Variants in RNF217 observed in about 807,000 individuals in gnomAD.
The protein encoded by RNF217 is E3 ubiquitin-protein ligase RNF217.
RNF217 carries 31 observed loss-of-function variants against 57.8 expected under a neutral mutation model. The observed-to-expected ratio is 0.54, with a 90% CI of 0.40 to 0.72. RNF217 has a LOEUF of 0.72. RNF217 is among the 30% of genes least tolerant of loss of function. RNF217 has a pLI of 0.00. For synonymous variants in RNF217, 313 were observed against 294.0 expected, an observed-to-expected ratio of 1.06 and a Z score of -0.66; for missense variants, 696 against 708.3, an observed-to-expected ratio of 0.98 and a Z score of 0.20.
intron 1 of RNF217, among the ~76,000 whole-genome samples, chr6:124,999,276 G>T (rs1327350414): frequency 1.3e-5 from 2 of 152,078 alleles, no homozygotes; most frequent in Non-Finnish European, 2.9e-5. Flanking sequence ...TCTAACCGCA[G>T]GTGCACAAGG....
chr6:124,964,070 C>G (rs1006109318), intron 1 of RNF217, among the ~76,000 whole-genome samples: 1 of 152,228 alleles, frequency 6.6e-6, no homozygotes, highest in Admixed American at 6.5e-5. Flanking sequence ...TTTCTCAGAA[C>G]AAGCACTGGT....
At chr6:125,044,856 G>A (rs1377499935) in intron 1 of RNF217, among the ~76,000 whole-genome samples, 1 of 152,044 alleles carries the variant, frequency 6.6e-6, no homozygotes. Context: ...TGACCCCGCA[G>A]TTCTTGCAGT....
At chr6:125,001,008 T>A (rs1784959630) in intron 1 of RNF217, among the ~76,000 whole-genome samples, 1 of 152,178 alleles carries the variant, frequency 6.6e-6, no homozygotes, top group Non-Finnish European at 1.5e-5. Context: ...CCTTGGAATA[T>A]AGAGTCTGAA....
At chr6:125,017,128 G>C (rs1426964255) in intron 1 of RNF217, among the ~76,000 whole-genome samples, 1 of 151,888 alleles carries the variant, frequency 6.6e-6, no homozygotes, top group Non-Finnish European at 1.5e-5. Flanking sequence ...AAAAAGACAT[G>C]GTCATATGAA....
At chr6:124,992,256 G>A (rs1450635094) in intron 1 of RNF217, among the ~76,000 whole-genome samples, 1 of 152,098 alleles carries the variant, frequency 6.6e-6, no homozygotes, top group Non-Finnish European at 1.5e-5. Context: ...TACCGCAAAG[G>A]TATGTTTTGT....
At chr6:125,039,817 T>G (rs763347193) in intron 1 of RNF217, among the ~76,000 whole-genome samples, 22 of 152,082 alleles carry the variant, frequency 1.4e-4, no homozygotes, top group Admixed American at 7.9e-4. Flanking sequence ...CACAACCACA[T>G]AGAAATTGAA....
chr6:125,035,777 G>A (rs563985616), intron 1 of RNF217, among the ~76,000 whole-genome samples: 4 of 151,356 alleles, frequency 2.6e-5, no homozygotes, highest in South Asian at 2.1e-4. Flanking sequence ...TTTTTCATTC[G>A]CCTTTTATAT....
intron 1 of RNF217, among the ~76,000 whole-genome samples, chr6:125,037,310 C>T (rs1167563358): frequency 2.0e-5 from 3 of 152,064 alleles, no homozygotes; most frequent in Admixed American, 6.6e-5. Flanking sequence ...ATACCAGAAA[C>T]GGAGTAGCTT....
In RNF217 at chr6:125,085,933, T is replaced by C. The variant is rs1282989819; in HGVS notation, c.*2996T>C. On this transcript the variant is annotated 3_prime_UTR_variant, in exon 6 of 6. Coordinates refer to ENST00000521654, the MANE Select transcript of RNF217 (RefSeq NM_001286398.3). Reference sequence around the variant, plus strand: ...TTTAAATAGATTTACCTCATTCTTTTATAAATTACTGCATAATCCATTGTA... The same window carrying C: ...TTTAAATAGATTTACCTCATTCTTTCATAAATTACTGCATAATCCATTGTA... 1 of 152,030 alleles carries C rather than the reference T, an allele frequency of 6.6e-6. No individual in the cohort carries two copies. The highest frequency in any genetic ancestry group is 1.5e-5 in the Non-Finnish European group (1 of 67,892). 9.4% of individuals were successfully genotyped at this position (152,030 alleles called of 1,614,324 possible). A position where few individuals can be genotyped will look rare whatever the true frequency, so the allele number is the denominator to read the frequency against.
intron 2 of RNF217, among the ~76,000 whole-genome samples, chr6:125,053,745 A>C (rs1787416053): frequency 6.6e-6 from 1 of 152,086 alleles, no homozygotes; most frequent in Admixed American, 6.6e-5. Flanking sequence ...AACTAAGGGT[A>C]TTCAAAAGTC....
chr6:125,001,312 C>T (rs188623312), intron 1 of RNF217, among the ~76,000 whole-genome samples: 10 of 152,140 alleles, frequency 6.6e-5, no homozygotes, highest in African/African-American at 1.9e-4. Flanking sequence ...CCTTGCCCAG[C>T]CCCCATTCTT....
intron 1 of RNF217, among the ~76,000 whole-genome samples, chr6:125,035,746 T>C (rs1009547959): frequency 4.6e-5 from 7 of 152,174 alleles, no homozygotes; most frequent in Non-Finnish European, 8.8e-5. Context: ...GAAGATGTTC[T>C]TTTTGATTAT....
At chr6:124,964,567 C>T (rs1582642750) in intron 1 of RNF217, among the ~76,000 whole-genome samples, 1 of 152,228 alleles carries the variant, frequency 6.6e-6, no homozygotes, top group African/African-American at 2.4e-5. Context: ...TTGGCTAACT[C>T]ATGCTTGGGT....
chr6:125,042,649 T>C (rs1160679907), intron 1 of RNF217, among the ~76,000 whole-genome samples: 1 of 152,062 alleles, frequency 6.6e-6, no homozygotes, highest in East Asian at 1.9e-4. Flanking sequence ...TTTGATTGGA[T>C]GTTGGATGGT....
chr6:125,032,195 C>G (rs569503198), intron 1 of RNF217, among the ~76,000 whole-genome samples: 6 of 152,212 alleles, frequency 3.9e-5, no homozygotes, highest in Non-Finnish European at 8.8e-5. Flanking sequence ...CACAGCCAAA[C>G]CATATCAGCT....
intron 3 of RNF217, among the ~76,000 whole-genome samples, chr6:125,076,297 T>C (rs1424679873): frequency 1.3e-5 from 2 of 152,346 alleles, no homozygotes; most frequent in East Asian, 3.9e-4. Context: ...TCATTCTTGC[T>C]GATCATAGCA....
chr6:125,002,290 G>A lies in RNF217; in HGVS notation c.882+38864G>A, dbSNP rs1011611649. ...CACTTTCCAGGCACCGGAACAATGT[G>A]CCCATTCGTGGATTAAGGAAACCAT... is the stretch of plus-strand genomic sequence containing the variant. On this transcript the variant is annotated intron_variant, in intron 1 of 5. Transcript: ENST00000521654. Among the ~76,000 whole-genome samples, 6 of 152,240 alleles carry A rather than the reference G, an allele frequency of 3.9e-5. 1 individual carries two copies. The South Asian group carries it at 1.2e-3, about 32-fold the overall frequency.
intron 1 of RNF217, among the ~76,000 whole-genome samples, chr6:124,983,020 A>C (rs978901068): frequency 6.6e-6 from 1 of 152,232 alleles, no homozygotes; most frequent in African/African-American, 2.4e-5. Flanking sequence ...CAGTAAAAGG[A>C]TCACTTCATA....
chr6:125,071,309 G>A (rs966919365), intron 3 of RNF217, among the ~76,000 whole-genome samples: 6 of 152,146 alleles, frequency 3.9e-5, no homozygotes, highest in African/African-American at 7.2e-5. Context: ...GGCAGTGGCA[G>A]CGAGCTGTGC....
Sources: gnomAD v4.1 joint callset for allele counts (sites outside exome capture counted in the v4.1 genomes callset) on GRCh38, gnomAD v4.1.1 for gene constraint, MANE v1.5 for transcripts, NCBI Gene and HGNC (gene_info 2026-07-23, HGNC 2026-07-21) for gene names.